Variants in MEDAG observed in about 807,000 individuals in gnomAD.
MEDAG encodes the protein mesenteric estrogen-dependent adipogenesis protein.
MEDAG carries 25 observed loss-of-function variants against 29.9 expected under a neutral mutation model. The observed-to-expected ratio is 0.84, with a 90% CI of 0.61 to 1.17. The LOEUF is 1.17. Among genes scored for constraint, MEDAG ranks in the 50% most tolerant of loss-of-function variants. MEDAG has a pLI of 0.00. For synonymous variants in MEDAG, 158 were observed against 148.2 expected (o/e 1.07, Z -0.48); for missense variants, 398 against 372.9 (o/e 1.07, Z -0.56).
rs764571813 is a variant in MEDAG, at chr13:30,906,717, G to C, written c.202G>C (p.Gly68Arg). ...GCCCGGGGAGCCGGCGGCGGCGCGGGGGGGCTTCAACGTCTTCGGTGACGG... is the reference window on the plus strand; with the variant it reads ...GCCCGGGGAGCCGGCGGCGGCGCGGCGGGGCTTCAACGTCTTCGGTGACGG... ...ARPGEPAAAR[G>R]GFNVFGDGLV... is the part of the protein sequence containing the mutation. The change falls in exon 1 of 5, where the codon GGG becomes CGG. Residue 68 changes from glycine to arginine, a missense_variant. By Grantham distance (125) the Gly-to-Arg change is moderately radical. Coordinates refer to ENST00000380482, the MANE Select transcript of MEDAG (RefSeq NM_032849.4). 5 of 1,518,116 alleles carry C rather than the reference G, an allele frequency of 3.3e-6. No homozygotes were observed. The highest frequency in any genetic ancestry group is 2.1e-5 in the Admixed American group (1 of 48,418). 94.0% of individuals were successfully genotyped at this position (1,518,116 alleles called of 1,614,324 possible).
intron 1 of MEDAG, among the ~76,000 whole-genome samples, chr13:30,914,021 GAA>G (rs138567633): frequency 0.044 from 6,771 of 152,178 alleles, 349 homozygotes; most frequent in African/African-American, 0.13. Context: ...CAGCCTGGGT[GAA>G]AGAGTGAGAC....
chr13:30,911,574 A>T (rs185600079), intron 1 of MEDAG, among the ~76,000 whole-genome samples: 12 of 152,078 alleles, frequency 7.9e-5, no homozygotes, highest in African/African-American at 2.9e-4. Flanking sequence ...ACAGGACAAT[A>T]TCTCTCCTAC....
rs1265743539 is a variant in MEDAG, at chr13:30,913,120, C to A, written c.279-4283C>A. ...TGGCTCTGGAATTGAGTTCACATAG[C>A]CAGCAAATCAGGACTTGAATTAGAT... On this transcript the variant is annotated intron_variant, in intron 1 of 4. Transcript: ENST00000380482. Among the ~76,000 whole-genome samples, 5 of 151,764 alleles carry A rather than the reference C, an allele frequency of 3.3e-5. No individual in the cohort carries two copies. The East Asian group carries it at 9.6e-4, about 29-fold the overall frequency.
rs750638670 is a variant in MEDAG at position 30,924,464 on chromosome 13, C to T, written c.*29C>T. ...AACTGAACATTGTAGCAGTTGCTCC[C>T]GCACTCCAGGCCTGTGCTAGACTAT... On this transcript the variant is annotated 3_prime_UTR_variant, in exon 5 of 5. Coordinates refer to ENST00000380482, the MANE Select transcript of MEDAG (RefSeq NM_032849.4). 19 of 1,610,704 alleles carry T rather than the reference C, an allele frequency of 1.2e-5. No homozygotes were observed. The highest frequency in any genetic ancestry group is 2.2e-5 in the South Asian group (2 of 90,368).
chr13:30,915,003 G>A (rs1952913569), intron 1 of MEDAG, among the ~76,000 whole-genome samples: 2 of 152,220 alleles, frequency 1.3e-5, no homozygotes, highest in African/African-American at 4.8e-5. Flanking sequence ...AGGATGGTAG[G>A]ATAATGGGAA....
At chr13:30,923,455 CT>C (rs1953009328) in intron 4 of MEDAG, among the ~76,000 whole-genome samples, 1 of 152,068 alleles carries the variant, frequency 6.6e-6, no homozygotes, top group African/African-American at 2.4e-5. Context: ...CTGTTTCTCT[CT>C]CTTTCCCCTC....
intron 4 of MEDAG, chr13:30,922,105 A>G (rs56139521): frequency 0.17 from 47,631 of 287,622 alleles, 4,783 homozygotes; most frequent in South Asian, 0.25. Context: ...AAATATTATT[A>G]TTAATTTAAA....
rs1356641351 is a variant in MEDAG, at chr13:30,924,302, G to T, written c.788-9G>T. ...GGTAATAATGCATGCTTTGTTTACT[G>T]TTTTTTAGGTTCAATAGATGATGTT... On this transcript the variant is annotated splice_polypyrimidine_tract_variant and intron_variant, in intron 4 of 4. Transcript: ENST00000380482. 1.9e-6 allele frequency: 3 copies of T among 1,608,190 alleles called. No homozygotes were observed. In the East Asian group the frequency reaches 6.7e-5, roughly 36 times the overall value.
chr13:30,913,954 A>T (rs936450226), intron 1 of MEDAG, among the ~76,000 whole-genome samples: 4 of 152,212 alleles, frequency 2.6e-5, no homozygotes, highest in Non-Finnish European at 5.9e-5. Flanking sequence ...AGGCAGTAGA[A>T]TTGCTTGAAC....
rs1202631112 is a variant in MEDAG, at chr13:30,919,801, A to T, written c.389-1213A>T. On this transcript the variant is annotated intron_variant, in intron 2 of 4. Transcript: ENST00000380482. ...CTGTTAAATGGAGGAGAACACAGGTATCTATGTGTCTCCTTAGACCAAGGA... is the reference window on the plus strand; with the variant it reads ...CTGTTAAATGGAGGAGAACACAGGTTTCTATGTGTCTCCTTAGACCAAGGA... Among the ~76,000 whole-genome samples, 3 of 152,176 alleles carry T rather than the reference A, an allele frequency of 2.0e-5. No homozygotes were observed. In the East Asian group the frequency reaches 5.8e-4, roughly 29 times the overall value.
intron 2 of MEDAG, among the ~76,000 whole-genome samples, chr13:30,919,263 A>G (rs1199074945): frequency 6.6e-6 from 1 of 152,256 alleles, no homozygotes; most frequent in East Asian, 1.9e-4. Context: ...GATTAAGGCA[A>G]TATGTCTAGT....
Position 30,924,561 on chromosome 13 carries a change from CTT to C in MEDAG, c.*127_*128del. 56 of 983,700 alleles carry C rather than the reference CTT, an allele frequency of 5.7e-5. No homozygotes were observed. The highest frequency in any genetic ancestry group is 8.0e-5 in the Non-Finnish European group (54 of 673,772). 60.9% of individuals were successfully genotyped at this position (983,700 alleles called of 1,614,324 possible). ...GTGTCAATCTCCGGCTCCTCCATGG[CTT>C]CTATGGAGGACTCCTCTCTTCTGCT... On this transcript the variant is annotated 3_prime_UTR_variant, in exon 5 of 5. Transcript: ENST00000380482.
chr13:30,919,477 C>A (rs1426402417), intron 2 of MEDAG, among the ~76,000 whole-genome samples: 2 of 152,122 alleles, frequency 1.3e-5, no homozygotes, highest in Non-Finnish European at 2.9e-5. Context: ...ATATAATGAC[C>A]CCAGAGGTGT....
chr13:30,921,508 T>A, intron 3 of MEDAG, 53 bp from the exon 4 acceptor site: 1 of 1,503,274 alleles, frequency 6.7e-7, no homozygotes, highest in East Asian at 2.3e-5. Flanking sequence ...TTCTACAATG[T>A]CAACAGGATA....
intron 2 of MEDAG, among the ~76,000 whole-genome samples, chr13:30,918,910 G>T (rs1364906302): frequency 6.6e-6 from 1 of 152,202 alleles, no homozygotes; most frequent in East Asian, 1.9e-4. Context: ...CAGAAAGCCA[G>T]ATAGTTCTTT....
Position 30,921,692 on chromosome 13 carries a change from T to C in MEDAG, c.633T>C (p.Ser211=), listed in dbSNP as rs371069336. 2 of 1,613,984 alleles carry C rather than the reference T, an allele frequency of 1.2e-6. No homozygotes were observed. Among genetic ancestry groups the C allele is most frequent in the African/African-American group, 2.7e-5 (2 of 74,942 alleles). Residue 211 remains serine, a synonymous_variant, in exon 4 of 5, where the codon AGT becomes AGC. Coordinates refer to ENST00000380482, the MANE Select transcript of MEDAG (RefSeq NM_032849.4). The part of the protein sequence containing the change: ...LFDFFYWFGL[S]NSVVKVNGKV... Reference sequence around the variant, plus strand: ...ATTTCTTCTATTGGTTTGGGCTCAGTAATTCCGTTGTAAAAGTAAATGGAA... The same window carrying C: ...ATTTCTTCTATTGGTTTGGGCTCAGCAATTCCGTTGTAAAAGTAAATGGAA...
At chr13:30,918,003 G>A (rs1952946166) in intron 2 of MEDAG, among the ~76,000 whole-genome samples, 1 of 152,166 alleles carries the variant, frequency 6.6e-6, no homozygotes, top group South Asian at 2.1e-4. Context: ...AAGGTAGACA[G>A]CAAGGAGCCT....
In MEDAG at chr13:30,906,854, G is replaced by T. The variant is rs1317053134; in HGVS notation, c.278+61G>T. On this transcript the variant is annotated intron_variant, in intron 1 of 4. Transcript: ENST00000380482. Reference sequence around the variant, plus strand: ...TGGTACCCGCAGACGCCTCCACCCGGCTGCGGTCTCTGGGAGCCTGGGCTG... The same window carrying T: ...TGGTACCCGCAGACGCCTCCACCCGTCTGCGGTCTCTGGGAGCCTGGGCTG... 7 of 1,395,270 alleles carry T rather than the reference G, an allele frequency of 5.0e-6. No homozygotes were observed. The East Asian group carries it at 8.4e-5, about 17-fold the overall frequency. 86.4% of individuals were successfully genotyped at this position (1,395,270 alleles called of 1,614,324 possible).
At chr13:30,908,679 T>TCCCTCCCTC (rs1952852330) in intron 1 of MEDAG, 2 of 149,712 alleles carry the variant, frequency 1.3e-5, no homozygotes, top group African/African-American at 4.9e-5. Flanking sequence ...GCATAAAACC[T>TCCCTCCCTC]CCCTCCCTCC....
Sources: allele counts gnomAD v4.1 joint callset (sites outside exome capture counted in the v4.1 genomes callset), GRCh38; gene constraint gnomAD v4.1.1; transcripts MANE v1.5; gene names NCBI Gene and HGNC (gene_info 2026-07-23, HGNC 2026-07-21).